The following RBFOX1 variants were observed in gnomAD, a reference collection of about 807,000 sequenced individuals.
RBFOX1 encodes RNA binding protein fox-1 homolog 1.
RBFOX1 carries 8 observed loss-of-function variants against 57.7 expected under a neutral mutation model. That is an observed-to-expected ratio of 0.14 (90% CI 0.08 to 0.25). RBFOX1 has a LOEUF of 0.25. Ranked by LOEUF, RBFOX1 falls within the 10% of genes least tolerant of loss-of-function variation. The pLI, the probability that RBFOX1 is intolerant of heterozygous loss-of-function variation, is 1.00. For missense variants in RBFOX1, 611 were observed against 548.5 expected, an observed-to-expected ratio of 1.11 and a Z score of -1.14; for synonymous variants, 326 against 222.4, an observed-to-expected ratio of 1.47 and a Z score of -4.15.
At chr16:6,605,996 C>A (rs1330523120) in intron 2 of RBFOX1, among the ~76,000 whole-genome samples, 1 of 151,984 alleles carries the variant, frequency 6.6e-6, no homozygotes, top group Non-Finnish European at 1.5e-5. Context: ...GTAGTCCCAG[C>A]TACTTGGGAG....
At chr16:7,033,318 G>C (rs148563191) in intron 3 of RBFOX1, among the ~76,000 whole-genome samples, 2 of 152,292 alleles carry the variant, frequency 1.3e-5, no homozygotes, top group African/African-American at 4.8e-5. Context: ...CCAGGAGTTT[G>C]AGACCAGCCT....
chr16:6,314,835 A>G (rs1174421451), intron 1 of RBFOX1, among the ~76,000 whole-genome samples: 3 of 152,230 alleles, frequency 2.0e-5, no homozygotes, highest in African/African-American at 7.2e-5. Flanking sequence ...CATACTGTGA[A>G]TCTCTAGAAG....
At chr16:7,110,714 A>G (rs895643023) in intron 4 of RBFOX1, among the ~76,000 whole-genome samples, 4 of 152,190 alleles carry the variant, frequency 2.6e-5, no homozygotes, top group Non-Finnish European at 5.9e-5. Context: ...GCCTGGCATT[A>G]ATAGCCTAAA....
At chr16:5,460,339 C>T (rs952321271) in intron 1 of RBFOX1, among the ~76,000 whole-genome samples, 2 of 152,172 alleles carry the variant, frequency 1.3e-5, no homozygotes, top group African/African-American at 2.4e-5. Flanking sequence ...AAGGACTAAA[C>T]GTTTTAATTC....
chr16:5,734,139 G>T (rs910683722), intron 3 of RBFOX1, among the ~76,000 whole-genome samples: 1 of 152,134 alleles, frequency 6.6e-6, no homozygotes, highest in Admixed American at 6.6e-5. Context: ...TACCTGTTGG[G>T]TCTCTGAGAT....
intron 4 of RBFOX1, among the ~76,000 whole-genome samples, chr16:7,460,991 C>T (rs558742578): frequency 4.6e-5 from 7 of 152,194 alleles, no homozygotes; most frequent in South Asian, 4.2e-4. Context: ...TGGAGAAGCT[C>T]GACTCCCTTG....
intron 4 of RBFOX1, among the ~76,000 whole-genome samples, chr16:5,938,100 C>G (rs955592674): frequency 5.3e-5 from 8 of 152,024 alleles, no homozygotes; most frequent in African/African-American, 1.9e-4. Flanking sequence ...ACCTCTGTAC[C>G]CTTTTCATTC....
chr16:7,036,116 C>T (rs868449062), intron 3 of RBFOX1, among the ~76,000 whole-genome samples: 10 of 152,204 alleles, frequency 6.6e-5, no homozygotes, highest in Middle Eastern at 6.8e-3. Flanking sequence ...CATGGAAAGA[C>T]AGCCTGGGGA....
At chr16:7,135,161 T>A (rs898450276) in intron 4 of RBFOX1, among the ~76,000 whole-genome samples, 1 of 152,188 alleles carries the variant, frequency 6.6e-6, no homozygotes, top group Non-Finnish European at 1.5e-5. Flanking sequence ...CGTGTTTATT[T>A]CCCTGTTACA....
chr16:5,365,669 G>A (rs534964305), intron 1 of RBFOX1: 2 of 341,500 alleles, frequency 5.9e-6, no homozygotes, highest in Non-Finnish European at 1.1e-5. Context: ...CCCTGTCTCA[G>A]TAAATAAGTA....
chr16:5,506,108 C>A (rs1452329134), intron 2 of RBFOX1, among the ~76,000 whole-genome samples: 1 of 152,164 alleles, frequency 6.6e-6, no homozygotes, highest in African/African-American at 2.4e-5. Context: ...CACACTGCCT[C>A]ACACACCTCC....
intron 4 of RBFOX1, among the ~76,000 whole-genome samples, chr16:7,067,060 C>CT (rs1334275833): frequency 6.6e-6 from 1 of 152,140 alleles, no homozygotes; most frequent in Non-Finnish European, 1.5e-5. Context: ...ATAAGTTAAG[C>CT]TGAAGGGACA....
At chr16:7,700,174 G>T (rs537537321) in intron 14 of RBFOX1, among the ~76,000 whole-genome samples, 5 of 152,108 alleles carry the variant, frequency 3.3e-5, no homozygotes, top group Admixed American at 6.5e-5. Context: ...TCTGACACAT[G>T]TACCCCTGGG....
intron 3 of RBFOX1, among the ~76,000 whole-genome samples, chr16:5,680,158 G>T (rs2050288312): frequency 6.6e-6 from 1 of 152,124 alleles, no homozygotes; most frequent in Non-Finnish European, 1.5e-5. Context: ...GGGGGGTAAA[G>T]GTACAAAAAC....
rs183412299 is a variant in RBFOX1 at position 6,078,495 on chromosome 16, G to A, written c.-127+58503G>A. On this transcript the variant is annotated intron_variant, in intron 1 of 15. Transcript: ENST00000550418. ...ACACTTCTTCTTCCGCCGTGGCTCAGGGAAGCCAAAAGACTGGACACCCCT... is the reference window on the plus strand; with the variant it reads ...ACACTTCTTCTTCCGCCGTGGCTCAAGGAAGCCAAAAGACTGGACACCCCT... Among the ~76,000 whole-genome samples the A allele has an allele frequency of 3.8e-3, 571 of 152,166 alleles. 1 individual carries two copies. The highest frequency in any genetic ancestry group is 6.1e-3 in the Non-Finnish European group (416 of 68,022).
intron 1 of RBFOX1, among the ~76,000 whole-genome samples, chr16:6,213,837 A>G (rs1322441048): frequency 6.6e-6 from 1 of 152,132 alleles, no homozygotes; most frequent in African/African-American, 2.4e-5. Context: ...TGACATTTGG[A>G]ACTGGACAGT....
chr16:5,622,168 A>G (rs1484532132), intron 3 of RBFOX1, among the ~76,000 whole-genome samples: 1 of 152,224 alleles, frequency 6.6e-6, no homozygotes, highest in Non-Finnish European at 1.5e-5. Flanking sequence ...TCGATGATCC[A>G]CAATCTACAG....
intron 2 of RBFOX1, among the ~76,000 whole-genome samples, chr16:6,405,869 A>C (rs1567205220): frequency 6.6e-6 from 1 of 152,234 alleles, no homozygotes; most frequent in East Asian, 1.9e-4. Flanking sequence ...AACAACTTCT[A>C]TTACAAAATG....
rs915481463 is a variant in RBFOX1, at chr16:6,726,495, T to C, written c.-16+71845T>C. On this transcript the variant is annotated intron_variant, in intron 3 of 15. Coordinates refer to ENST00000550418, the MANE Select transcript of RBFOX1 (RefSeq NM_018723.4). ...TCCCAAGTAGGTGAAGGTGGAACTA[T>C]CACTAGATAAACTGAAATCAAAGTA... 3.3e-5 allele frequency among the ~76,000 whole-genome samples: 5 copies of C among 152,136 alleles called. No individual in the cohort carries two copies. In the South Asian group the frequency reaches 1.0e-3, roughly 32 times the overall value.
Sources: allele counts gnomAD v4.1 joint callset (sites outside exome capture counted in the v4.1 genomes callset), GRCh38; gene constraint gnomAD v4.1.1; transcripts MANE v1.5; gene names NCBI Gene and HGNC (gene_info 2026-07-23, HGNC 2026-07-21).